Variants in SUGT1 observed in about 807,000 individuals in gnomAD.
The protein encoded by SUGT1 is protein SGT1 homolog.
In SUGT1, 15 loss-of-function variants were observed where a neutral mutation model predicts 56.1. That is an observed-to-expected ratio of 0.27 (90% confidence interval 0.18 to 0.41). The LOEUF is 0.41. Among genes scored for constraint, SUGT1 ranks in the 10% least tolerant of loss-of-function variants. SUGT1 has a pLI of 1.00. For synonymous variants in SUGT1, 123 were observed against 128.6 expected (o/e 0.96, Z 0.30); for missense variants, 347 against 382.2 (o/e 0.91, Z 0.77).
intron 6 of SUGT1, 36 bp downstream of exon 6, chr13:52,662,738 A>G (rs1962520408): frequency 6.3e-7 from 1 of 1,593,978 alleles, no homozygotes; most frequent in South Asian, 1.2e-5. Flanking sequence ...TTTCAATTTA[A>G]AAAGAAGTAA....
At position 52,700,453 on chromosome 13, in the gene SUGT1, C is replaced by G. The variant is rs1253561659; in HGVS notation, c.*12618C>G. 1 of 152,130 alleles carries G rather than the reference C, an allele frequency of 6.6e-6. No individual in the cohort carries two copies. The highest frequency in any genetic ancestry group is 1.5e-5 in the Non-Finnish European group (1 of 68,010). The allele number at this position is 152,130 out of a possible 1,614,324, so 9.4% of individuals were successfully genotyped here. Reference sequence around the variant, plus strand: ...ACCTGTAGTGAGTTCTTCAGTCAGTCAACACTAAACCTGTTTTGTAAATTT... The same window carrying G: ...ACCTGTAGTGAGTTCTTCAGTCAGTGAACACTAAACCTGTTTTGTAAATTT... On this transcript the variant is annotated 3_prime_UTR_variant, in exon 13 of 13. Coordinates refer to ENST00000310528, the MANE Select transcript of SUGT1 (RefSeq NM_006704.5).
chr13:52,657,410 C>G (rs1184032588), intron 2 of SUGT1, 122 bp from the exon 3 acceptor site: 1 of 825,228 alleles, frequency 1.2e-6, no homozygotes, highest in Admixed American at 2.6e-5. Context: ...ATATTATATC[C>G]GTGTTATCTT....
chr13:52,660,846 G>A (rs1000090171), intron 5 of SUGT1, among the ~76,000 whole-genome samples: 2 of 152,000 alleles, frequency 1.3e-5, no homozygotes, highest in African/African-American at 4.8e-5. Context: ...TCGCTCTGTC[G>A]CCCAGGCTGG....
intron 2 of SUGT1, among the ~76,000 whole-genome samples, chr13:52,653,763 A>C (rs145850363): frequency 0.015 from 2,343 of 152,348 alleles, 60 homozygotes; most frequent in African/African-American, 0.053. Context: ...TAAGAATTAA[A>C]GGAGAACCTA....
intron 12 of SUGT1, among the ~76,000 whole-genome samples, chr13:52,685,004 C>T (rs1238214788): frequency 1.3e-5 from 2 of 151,664 alleles, no homozygotes; most frequent in Non-Finnish European, 2.9e-5. Context: ...CCAGAATTTG[C>T]CACCACGTCA....
intron 12 of SUGT1, among the ~76,000 whole-genome samples, chr13:52,684,258 ATAG>A (rs1287342681): frequency 6.6e-6 from 1 of 151,990 alleles, no homozygotes; most frequent in Non-Finnish European, 1.5e-5. Flanking sequence ...CATTCTTATA[ATAG>A]TAATTTGTGT....
At position 52,670,927 on chromosome 13, in the gene SUGT1, A is replaced by G. The variant is rs143787728; in HGVS notation, c.627+4008A>G. 4.3e-3 allele frequency among the ~76,000 whole-genome samples: 659 copies of G among 152,292 alleles called. 4 individuals are homozygous for G. Among genetic ancestry groups the G allele is most frequent in the Non-Finnish European group, 7.5e-3 (510 of 68,030 alleles). Reference sequence around the variant, plus strand: ...TCATAGTAATTTTGCTGATTATACAATATAAAATACGAAGGCCTGGAATTG... The same window carrying G: ...TCATAGTAATTTTGCTGATTATACAGTATAAAATACGAAGGCCTGGAATTG... On this transcript the variant is annotated intron_variant, in intron 10 of 12. Transcript: ENST00000310528.
intron 4 of SUGT1, among the ~76,000 whole-genome samples, chr13:52,658,738 CT>C (rs59712858): frequency 0.054 from 6,899 of 127,494 alleles, 141 homozygotes; most frequent in South Asian, 0.064. Flanking sequence ...TTTCACATTG[CT>C]TTTTTTTTTT....
intron 12 of SUGT1, among the ~76,000 whole-genome samples, chr13:52,686,613 G>A (rs1455174907): frequency 5.9e-5 from 9 of 152,210 alleles, no homozygotes; most frequent in South Asian, 2.1e-4. Flanking sequence ...TCGGTAGAGC[G>A]TGTCGGACAT....
intron 8 of SUGT1, among the ~76,000 whole-genome samples, chr13:52,664,760 G>A (rs1962616895): frequency 6.6e-6 from 1 of 152,262 alleles, no homozygotes; most frequent in Admixed American, 6.5e-5. Context: ...AGTAGATAAG[G>A]AACTTTGACT....
intron 6 of SUGT1, 82 bp from the exon 7 acceptor site, chr13:52,663,014 T>A: frequency 2.7e-6 from 4 of 1,471,286 alleles, no homozygotes; most frequent in South Asian, 2.5e-5. Flanking sequence ...AATCAGTATG[T>A]TTGTGCTATA....
chr13:52,657,697 T>C, intron 3 of SUGT1, 75 bp downstream of exon 3: 1 of 1,390,756 alleles, frequency 7.2e-7, no homozygotes, highest in Non-Finnish European at 9.9e-7. Context: ...AAATTAAAAG[T>C]TGTCTTTGAG....
intron 9 of SUGT1, among the ~76,000 whole-genome samples, 175 bp from the exon 10 acceptor site, chr13:52,666,637 A>G (rs1290994405): frequency 6.6e-6 from 1 of 151,982 alleles, no homozygotes; most frequent in African/African-American, 2.4e-5. Flanking sequence ...TACCAGATGG[A>G]AAAAAAAGGT....
chr13:52,665,773 AT>A, intron 9 of SUGT1, 40 bp downstream of exon 9: 1 of 1,398,356 alleles, frequency 7.2e-7, no homozygotes, highest in South Asian at 1.2e-5. Context: ...GATTACTATT[AT>A]TTGCAAATTT....
At position 52,658,425 on chromosome 13, in the gene SUGT1, C is replaced by A. The variant is rs772565367; in HGVS notation, c.214C>A (p.Leu72Ile). The A allele has an allele frequency of 5.6e-6, 9 of 1,613,036 alleles. No homozygotes were observed. Among genetic ancestry groups the A allele is most frequent in the African/African-American group, 1.3e-5 (1 of 74,988 alleles). The stretch of plus-strand genomic sequence containing the variant: ...TGCTGTTGCTGATGCAAAGAAGTCT[C>A]TAGAACTCAATCCAAATAATTCCAC... ...CVAVADAKKS[L>I]ELNPNNSTAM... is the part of the protein sequence containing the mutation. Residue 72 changes from leucine (L) to isoleucine (I), a missense_variant, in exon 4 of 13, where the codon CTA becomes ATA. Transcript: ENST00000310528.
In SUGT1 at chr13:52,700,379, C is replaced by A. The variant is rs1964047902; in HGVS notation, c.*12544C>A. 2 of 152,016 alleles carry A rather than the reference C, an allele frequency of 1.3e-5. No homozygotes were observed. The highest frequency in any genetic ancestry group is 4.8e-5 in the African/African-American group (2 of 41,382). 9.4% of individuals were successfully genotyped at this position (152,016 alleles called of 1,614,324 possible). A position where few individuals can be genotyped will look rare whatever the true frequency, so the allele number is the denominator to read the frequency against. On this transcript the variant is annotated 3_prime_UTR_variant, in exon 13 of 13. Transcript: ENST00000310528. ...ATGTACTTACCTTACACAGTAAGTA[C>A]CTAAAATTTGTAAATTGAATACTTT...
intron 5 of SUGT1, among the ~76,000 whole-genome samples, chr13:52,662,258 G>C (rs889375368): frequency 2.0e-5 from 3 of 152,130 alleles, no homozygotes; most frequent in African/African-American, 7.2e-5. Context: ...CCTCAACTCA[G>C]CTCCCAGTTA....
intron 12 of SUGT1, 56 bp downstream of exon 12, chr13:52,680,211 C>T (rs896693258): frequency 1.7e-5 from 25 of 1,496,972 alleles, no homozygotes; most frequent in East Asian, 7.7e-5. Context: ...ATATTTTAAA[C>T]GAGAAAATTG....
At chr13:52,669,908 T>TCCAC (rs1962862001) in intron 10 of SUGT1, among the ~76,000 whole-genome samples, 2 of 152,226 alleles carry the variant, frequency 1.3e-5, no homozygotes, top group South Asian at 2.1e-4. Flanking sequence ...TACTGAGGCT[T>TCCAC]ACTTCGTGGA....
Sources: gnomAD v4.1 joint callset for allele counts (sites outside exome capture counted in the v4.1 genomes callset) on GRCh38, gnomAD v4.1.1 for gene constraint, MANE v1.5 for transcripts, NCBI Gene and HGNC (gene_info 2026-07-23, HGNC 2026-07-21) for gene names.